The following RRM2 variants were observed in gnomAD, a reference collection of about 807,000 sequenced individuals.
RRM2 encodes the protein ribonucleoside-diphosphate reductase subunit M2.
In RRM2, 6 loss-of-function variants were observed where a neutral mutation model predicts 45.9. That is an observed-to-expected ratio of 0.13 (90% CI 0.07 to 0.26). The LOEUF is 0.26. Ranked by LOEUF, RRM2 falls within the 10% of genes least tolerant of loss-of-function variation. The pLI is 1.00. For synonymous variants in RRM2, 177 were observed against 173.0 expected, an observed-to-expected ratio of 1.02 and a Z score of -0.18; for missense variants, 343 against 489.5, an observed-to-expected ratio of 0.70 and a Z score of 2.82.
chr2:10,154,313 A>G (rs1663378418), intron 3 of RRM2, among the ~76,000 whole-genome samples: 1 of 150,840 alleles, frequency 6.6e-6, no homozygotes, highest in South Asian at 2.1e-4. Flanking sequence ...GCCTCTACTA[A>G]AATAAATACA....
intron 1 of RRM2, chr2:10,141,682 CA>C: frequency 1.1e-6 from 1 of 918,482 alleles, no homozygotes. Flanking sequence ...GGAAGGAGGG[CA>C]AGAGACCTCG....
intron 3 of RRM2, among the ~76,000 whole-genome samples, chr2:10,163,529 C>T (rs1558393470): frequency 1.3e-5 from 2 of 152,176 alleles, no homozygotes; most frequent in African/African-American, 2.4e-5. Flanking sequence ...ATGGCCCTCT[C>T]GGCCTCAGTT....
At chr2:10,190,339 G>A (rs1351764834) in intron 3 of RRM2, among the ~76,000 whole-genome samples, 1 of 145,476 alleles carries the variant, frequency 6.9e-6, no homozygotes, top group African/African-American at 2.6e-5. Context: ...TGGTGATGAT[G>A]GTGGTGAGGA....
intron 3 of RRM2, among the ~76,000 whole-genome samples, chr2:10,180,451 T>C (rs114613214): frequency 3.9e-5 from 6 of 152,228 alleles, no homozygotes; most frequent in Non-Finnish European, 7.3e-5. Context: ...CGCTGCATAA[T>C]GCATGAAGGC....
At chr2:10,199,695 G>A (rs1664497858) in intron 3 of RRM2, among the ~76,000 whole-genome samples, 1 of 137,948 alleles carries the variant, frequency 7.2e-6, no homozygotes. Context: ...CGGGAGAATG[G>A]CGTGAACCCA....
In RRM2 at chr2:10,131,284, A is replaced by C. The variant is rs1662896090; in HGVS notation, c.*1898A>C. The C allele has an allele frequency of 6.6e-6, 1 of 152,228 alleles. No individual in the cohort carries two copies. Among genetic ancestry groups the C allele is most frequent in the South Asian group, 2.1e-4 (1 of 4,828 alleles). The allele number at this position is 152,228 out of a possible 1,614,324, so 9.4% of individuals were successfully genotyped here. ...TTAGGATTCTGTCTCTCATTAGCTG[A>C]ATAATGTGAGGATTAACTTCTGCCA... On this transcript the variant is annotated 3_prime_UTR_variant, in exon 10 of 10. Transcript: ENST00000304567.
At chr2:10,160,399 G>A (rs1251739539) in intron 3 of RRM2, among the ~76,000 whole-genome samples, 1 of 152,208 alleles carries the variant, frequency 6.6e-6, no homozygotes, top group Non-Finnish European at 1.5e-5. Context: ...GAGACTCCAG[G>A]AAACCCAAGA....
intron 3 of RRM2, among the ~76,000 whole-genome samples, chr2:10,154,128 C>T (rs1021154102): frequency 6.6e-6 from 1 of 152,154 alleles, no homozygotes; most frequent in Non-Finnish European, 1.5e-5. Context: ...CTAAGTTCCC[C>T]AGTGATGAAC....
intron 3 of RRM2, chr2:10,155,001 G>C (rs990727806): frequency 5.5e-5 from 9 of 164,230 alleles, no homozygotes; most frequent in African/African-American, 1.9e-4. Flanking sequence ...CGGGCTGTAA[G>C]TTCCTGATTC....
downstream of RRM2, among the ~76,000 whole-genome samples, chr2:10,136,331 G>A (rs1662988687): frequency 6.6e-6 from 1 of 152,244 alleles, no homozygotes; most frequent in African/African-American, 2.4e-5. Flanking sequence ...CTAGTCTGGG[G>A]CAGGCTGAGC....
At chr2:10,124,468 A>G (rs1662739159) in intron 4 of RRM2, among the ~76,000 whole-genome samples, 2 of 152,162 alleles carry the variant, frequency 1.3e-5, no homozygotes. Flanking sequence ...TCTTATTGCG[A>G]ATGGATCTTT....
intron 3 of RRM2, among the ~76,000 whole-genome samples, chr2:10,150,771 GTTT>G (rs61292654): frequency 0.02 from 1,890 of 92,834 alleles, 34 homozygotes; most frequent in African/African-American, 0.072. Flanking sequence ...AGTGTGTTGT[GTTT>G]TTTTTTTTTT....
At chr2:10,148,925 A>G (rs1415333131) in intron 3 of RRM2, among the ~76,000 whole-genome samples, 1 of 151,806 alleles carries the variant, frequency 6.6e-6, no homozygotes, top group African/African-American at 2.4e-5. Flanking sequence ...CCTTTTGCTC[A>G]CTTTCCTCAG....
In RRM2 at chr2:10,127,025, C is replaced by G; in HGVS notation, c.664+56C>G. On this transcript the variant is annotated intron_variant, in intron 6 of 9. Transcript: ENST00000304567. The surrounding 1 kb of genome is among the most constrained non-coding windows in gnomAD (Gnocchi z 4.1). ...GAGCTTCATTTTCCAAGTAATGTTA[C>G]TGGATTTTTGGCCCTTGAATACCAA... The G allele has an allele frequency of 6.2e-7, 1 of 1,610,858 alleles. No individual in the cohort carries two copies. Among genetic ancestry groups the G allele is most frequent in the South Asian group, 1.1e-5 (1 of 90,984 alleles).
chr2:10,190,828 T>C (rs1340081393), intron 3 of RRM2, among the ~76,000 whole-genome samples: 1 of 151,304 alleles, frequency 6.6e-6, no homozygotes, highest in Non-Finnish European at 1.5e-5. Flanking sequence ...ATGATAATGG[T>C]GGTGATGATG....
chr2:10,136,920 G>T (rs567718990), upstream of RRM2, among the ~76,000 whole-genome samples: 1 of 152,348 alleles, frequency 6.6e-6, no homozygotes, highest in East Asian at 1.9e-4. Context: ...CATGAGGGTA[G>T]ACCTGTCCAA....
At chr2:10,173,665 C>T (rs973438941) in intron 3 of RRM2, among the ~76,000 whole-genome samples, 15 of 152,222 alleles carry the variant, frequency 9.9e-5, no homozygotes, top group Non-Finnish European at 1.8e-4. Flanking sequence ...GATGGGGCTC[C>T]GCGGGCACCC....
At chr2:10,187,780 C>T (rs1275890547) in intron 3 of RRM2, among the ~76,000 whole-genome samples, 1 of 152,206 alleles carries the variant, frequency 6.6e-6, no homozygotes, top group African/African-American at 2.4e-5. Context: ...CTGCTGTCCT[C>T]CAGCACCATG....
chr2:10,129,372 G>C lies in RRM2; in HGVS notation c.1156G>C (p.Asp386His). ...TCCAACAGAGAATTCTTTTACCTTGGATGCTGACTTCTAAATGAACTGAAG... is the reference window on the plus strand; with the variant it reads ...TCCAACAGAGAATTCTTTTACCTTGCATGCTGACTTCTAAATGAACTGAAG... ...SSPTENSFTL[D>H]ADF The change falls in exon 10 of 10, where the codon GAT becomes CAT. Residue 386 changes from aspartate (D) to histidine (H), a missense_variant. By Grantham distance (81) the Asp-to-His change is moderately conservative. Transcript: ENST00000304567. This position sits in a 1 kb window ranked among gnomAD's most constrained non-coding sequence, Gnocchi z 4.8. 1 of 1,610,196 alleles carries C rather than the reference G, an allele frequency of 6.2e-7. No homozygotes were observed. Among genetic ancestry groups the C allele is most frequent in the Non-Finnish European group, 8.5e-7 (1 of 1,178,942 alleles).
Sources: gnomAD v4.1 joint callset for allele counts (sites outside exome capture counted in the v4.1 genomes callset) on GRCh38, gnomAD v4.1.1 for gene constraint, Gnocchi (gnomAD v3.1) non-coding constraint, MANE v1.5 for transcripts, NCBI Gene and HGNC (gene_info 2026-07-23, HGNC 2026-07-21) for gene names.